The following DAB1 variants were observed in gnomAD, a reference collection of about 807,000 sequenced individuals.
DAB1 encodes the protein DAB adaptor protein 1.
A neutral mutation model predicts 64.6 loss-of-function variants in DAB1; 15 were observed. The ratio of observed to expected loss-of-function variants is 0.23; its 90% CI spans 0.16 to 0.36. DAB1 has a LOEUF of 0.36. DAB1 is among the 10% of genes least tolerant of loss of function. The probability of loss-of-function intolerance (pLI) is 1.00; values close to 1 mark genes in which losing one functional copy is unlikely to be tolerated. For synonymous variants in DAB1, 235 were observed against 251.9 expected (o/e 0.93, Z 0.64); for missense variants, 596 against 706.7 (o/e 0.84, Z 1.78).
chr1:57,918,045 G>A (rs1297265773), intron 5 of DAB1, among the ~76,000 whole-genome samples: 1 of 150,496 alleles, frequency 6.6e-6, no homozygotes, highest in African/African-American at 2.4e-5. Context: ...TCCAGCCGGG[G>A]TGACAGAGTG....
intron 5 of DAB1, among the ~76,000 whole-genome samples, chr1:57,900,082 G>A (rs1324955206): frequency 6.6e-6 from 1 of 152,212 alleles, no homozygotes; most frequent in Admixed American, 6.5e-5. Context: ...GAGATTCCAG[G>A]TATGAGCCAG....
chr1:57,071,165 G>T, intron 6 of DAB1, 104 bp from the exon 7 acceptor site: 1 of 1,116,532 alleles, frequency 9.0e-7, no homozygotes, highest in Non-Finnish European at 1.3e-6. Context: ...CCAGCTCTGG[G>T]CAGAAGAGGC....
intron 7 of DAB1, among the ~76,000 whole-genome samples, chr1:57,468,221 G>T (rs1036992168): frequency 2.0e-4 from 30 of 152,090 alleles, no homozygotes; most frequent in African/African-American, 7.0e-4. Flanking sequence ...AGGAATAAAT[G>T]AATGAATACA....
rs183386997 is a variant in DAB1 at position 58,199,154 on chromosome 1, A to G, written n.310-48566T>C. 1.5e-4 allele frequency among the ~76,000 whole-genome samples: 23 copies of G among 152,260 alleles called. No individual in the cohort carries two copies. In the East Asian group the frequency reaches 4.3e-3, roughly 28 times the overall value. ...ATGTACTGGAACTGCCTGCAGTCCT[A>G]TTGATCCCATAAGAAGCTATGGAAA... On this transcript the variant is annotated intron_variant and non_coding_transcript_variant, in intron 4 of 20. Transcript: ENST00000485760.
chr1:58,527,855 A>C (rs1557454382), intron 1 of DAB1, among the ~76,000 whole-genome samples: 1 of 152,218 alleles, frequency 6.6e-6, no homozygotes, highest in East Asian at 1.9e-4. Context: ...TTAGTTGGGA[A>C]AATGAAATTT....
intron 4 of DAB1, among the ~76,000 whole-genome samples, chr1:58,251,865 G>A (rs1660807713): frequency 6.6e-6 from 1 of 152,028 alleles, no homozygotes; most frequent in Non-Finnish European, 1.5e-5. Flanking sequence ...TGGAAGGAGA[G>A]GATCCAATCA....
chr1:57,756,001 G>A (rs17116264), intron 6 of DAB1, among the ~76,000 whole-genome samples: 1,650 of 152,220 alleles, frequency 0.011, 24 homozygotes, highest in African/African-American at 0.038. Flanking sequence ...AAGAAATTTC[G>A]GAAAGAATAT....
At chr1:57,093,796 G>A in intron 4 of DAB1, among the ~76,000 whole-genome samples, 1 of 152,120 alleles carries the variant, frequency 6.6e-6, no homozygotes, top group East Asian at 1.9e-4. Flanking sequence ...GGCCTAGTAA[G>A]TCAGATGAGC....
intron 5 of DAB1, among the ~76,000 whole-genome samples, chr1:57,912,979 G>A (rs10889076): frequency 0.44 from 66,615 of 151,978 alleles, 15,789 homozygotes; most frequent in African/African-American, 0.62. Context: ...CCATGCTCAT[G>A]GGTAGGAAGA....
intron 4 of DAB1, among the ~76,000 whole-genome samples, chr1:58,178,079 A>G (rs1363170612): frequency 6.6e-6 from 1 of 152,158 alleles, no homozygotes. Flanking sequence ...AGCCCTTGCA[A>G]TATGGATTCT....
intron 3 of DAB1, among the ~76,000 whole-genome samples, chr1:58,375,881 A>C (rs1160224158): frequency 6.9e-6 from 1 of 144,778 alleles, no homozygotes; most frequent in Non-Finnish European, 1.5e-5. Context: ...GTCTATTCAG[A>C]GATTCAACTT....
At chr1:57,922,491 T>G (rs939831141) in intron 5 of DAB1, among the ~76,000 whole-genome samples, 3 of 152,176 alleles carry the variant, frequency 2.0e-5, no homozygotes, top group South Asian at 2.1e-4. Context: ...GTACACAGCT[T>G]GGGAGCCTAG....
intron 4 of DAB1, among the ~76,000 whole-genome samples, chr1:57,115,629 T>A (rs1212803922): frequency 6.6e-6 from 1 of 152,144 alleles, no homozygotes; most frequent in Non-Finnish European, 1.5e-5. Context: ...CTGTATTGCA[T>A]GTCACAGTTC....
intron 7 of DAB1, among the ~76,000 whole-genome samples, chr1:57,549,440 C>T (rs1055849435): frequency 3.9e-5 from 6 of 152,086 alleles, no homozygotes; most frequent in South Asian, 2.1e-4. Context: ...CCCTTCAAGC[C>T]GGGGCATTTT....
intron 7 of DAB1, among the ~76,000 whole-genome samples, chr1:57,589,002 G>A (rs1243513785): frequency 1.3e-5 from 2 of 152,074 alleles, no homozygotes; most frequent in African/African-American, 4.8e-5. Context: ...TCGGGAGGCC[G>A]AGGCAGGTGG....
chr1:57,123,465 A>G (rs1264178722), intron 4 of DAB1, among the ~76,000 whole-genome samples: 1 of 152,166 alleles, frequency 6.6e-6, no homozygotes, highest in East Asian at 1.9e-4. Context: ...TTAAATGACA[A>G]TACTCCATGC....
chr1:57,490,708 A>G (rs1324104043), intron 7 of DAB1, among the ~76,000 whole-genome samples: 1 of 152,158 alleles, frequency 6.6e-6, no homozygotes, highest in East Asian at 1.9e-4. Flanking sequence ...AAAATCTATA[A>G]CTACTGCTAT....
chr1:58,448,747 C>A (rs1164859747), intron 3 of DAB1, among the ~76,000 whole-genome samples: 1 of 152,282 alleles, frequency 6.6e-6, no homozygotes, highest in Middle Eastern at 3.4e-3. Context: ...GGGAAAATCC[C>A]AGCTACTGGA....
intron 3 of DAB1, among the ~76,000 whole-genome samples, chr1:58,505,747 A>G (rs1289320990): frequency 6.6e-6 from 1 of 152,202 alleles, no homozygotes; most frequent in Non-Finnish European, 1.5e-5. Context: ...TATCATCAAC[A>G]TGTTTAAAAA....
Sources: gnomAD v4.1 joint callset for allele counts (sites outside exome capture counted in the v4.1 genomes callset) on GRCh38, gnomAD v4.1.1 for gene constraint, MANE v1.5 for transcripts, NCBI Gene and HGNC (gene_info 2026-07-23, HGNC 2026-07-21) for gene names.